Variants in NCAPD3 observed in about 807,000 individuals in gnomAD.
NCAPD3 encodes condensin-2 complex subunit D3.
Under a neutral mutation model 182.9 loss-of-function variants are expected in NCAPD3, and 105 were observed. The observed-to-expected ratio is 0.57, with a 90% CI of 0.49 to 0.68. The LOEUF is 0.68. NCAPD3 is among the 30% of genes least tolerant of loss of function. The pLI, the probability that NCAPD3 is intolerant of heterozygous loss-of-function variation, is 0.00. For missense variants in NCAPD3, 1,944 were observed against 1,837.0 expected, an observed-to-expected ratio of 1.06 and a Z score of -1.07; for synonymous variants, 815 against 679.9, an observed-to-expected ratio of 1.20 and a Z score of -3.09.
Position 134,178,764 on chromosome 11 carries a change from T to C in NCAPD3, c.2675-23A>G, listed in dbSNP as rs758435071. 24 of 1,608,090 alleles carry C rather than the reference T, an allele frequency of 1.5e-5. No individual in the cohort carries two copies. In the East Asian group the frequency reaches 4.9e-4, roughly 33 times the overall value. ...GTGCTGCAAAGAAGGGAGAGAAAGTTACCGACAGAACCTTGAAACGGCATG... is the reference window on the plus strand; with the variant it reads ...GTGCTGCAAAGAAGGGAGAGAAAGTCACCGACAGAACCTTGAAACGGCATG... On this transcript the variant is annotated intron_variant, in intron 21 of 34. Coordinates refer to ENST00000534548, the MANE Select transcript of NCAPD3 (RefSeq NM_015261.3).
intron 31 of NCAPD3, among the ~76,000 whole-genome samples, chr11:134,157,427 C>G (rs545067035): frequency 1.3e-5 from 2 of 152,206 alleles, no homozygotes; most frequent in African/African-American, 4.8e-5. Flanking sequence ...GCTATATGTA[C>G]AAGGATGTTT....
intron 8 of NCAPD3, among the ~76,000 whole-genome samples, chr11:134,206,015 A>T (rs1447361558): frequency 6.6e-6 from 1 of 152,174 alleles, no homozygotes; most frequent in East Asian, 1.9e-4. Context: ...GGGAAGGAAA[A>T]GCCAACAACG....
chr11:134,165,876 A>T (rs1246447303), intron 27 of NCAPD3, among the ~76,000 whole-genome samples: 123 of 76,840 alleles, frequency 1.6e-3, no homozygotes, highest in South Asian at 2.1e-3. Context: ...CACACTCACT[A>T]GTGAGATGAG....
intron 16 of NCAPD3, among the ~76,000 whole-genome samples, chr11:134,186,689 C>T (rs187576097): frequency 7.8e-4 from 119 of 152,270 alleles, no homozygotes; most frequent in African/African-American, 2.5e-3. Context: ...CATACCCACA[C>T]GCGAACATCA....
chr11:134,156,338 G>A (rs1286392004), intron 32 of NCAPD3, among the ~76,000 whole-genome samples: 1 of 152,154 alleles, frequency 6.6e-6, no homozygotes, highest in Non-Finnish European at 1.5e-5. Context: ...GGGCACACAG[G>A]GACACGGCGG....
At chr11:134,198,985 G>A (rs1944692477) in intron 13 of NCAPD3, among the ~76,000 whole-genome samples, 1 of 151,946 alleles carries the variant, frequency 6.6e-6, no homozygotes, top group Non-Finnish European at 1.5e-5. Flanking sequence ...TGGATTAGAG[G>A]AATTAACAAA....
intron 6 of NCAPD3, 93 bp downstream of exon 6, chr11:134,209,052 G>T: frequency 6.9e-7 from 1 of 1,455,564 alleles, no homozygotes; most frequent in East Asian, 2.3e-5. Context: ...CTACCTGTGT[G>T]CCAATTGGGA....
rs1406920005 is a variant in NCAPD3, at chr11:134,157,939, G to GT, written c.4162dup (p.Thr1388AsnfsTer19). 5.0e-6 allele frequency: 8 copies of GT among 1,613,794 alleles called. No individual in the cohort carries two copies. The highest frequency in any genetic ancestry group is 1.1e-5 in the South Asian group (1 of 91,068). On this transcript the variant is annotated frameshift_variant, in exon 31 of 35. Coordinates refer to ENST00000534548, the MANE Select transcript of NCAPD3 (RefSeq NM_015261.3). LOFTEE classifies it high-confidence loss of function. ...AACATAAGGCTTACCCTGACTGCAC[G>GT]TTTTTTCTGGGCTTCCAGAATTTAA...
chr11:134,166,918 CGT>C (rs1943835349), intron 27 of NCAPD3, among the ~76,000 whole-genome samples: 1 of 126,038 alleles, frequency 7.9e-6, no homozygotes, highest in South Asian at 2.8e-4. Flanking sequence ...GGCGCACACT[CGT>C]GAGATGAGCT....
chr11:134,174,591 G>A (rs573554350), intron 24 of NCAPD3, among the ~76,000 whole-genome samples: 1 of 151,972 alleles, frequency 6.6e-6, no homozygotes, highest in East Asian at 1.9e-4. Context: ...TGTGGTTATC[G>A]GAGGCTGGGA....
At chr11:134,191,950 C>T (rs1483770198) in intron 16 of NCAPD3, among the ~76,000 whole-genome samples, 1 of 152,198 alleles carries the variant, frequency 6.6e-6, no homozygotes, top group African/African-American at 2.4e-5. Context: ...CCGTCTCATG[C>T]GGTCAGGTGT....
chr11:134,195,243 G>A (rs1478487290), intron 13 of NCAPD3, among the ~76,000 whole-genome samples: 1 of 149,814 alleles, frequency 6.7e-6, no homozygotes, highest in Non-Finnish European at 1.5e-5. Context: ...TAGGAATACA[G>A]GCATGAGCCA....
intron 16 of NCAPD3, among the ~76,000 whole-genome samples, chr11:134,186,927 A>G (rs1944419336): frequency 6.6e-6 from 1 of 152,242 alleles, no homozygotes; most frequent in African/African-American, 2.4e-5. Flanking sequence ...ACCACAAGAT[A>G]TAAGCAATGA....
rs781258004 is a variant in NCAPD3, at chr11:134,168,937, G to A, written c.3219C>T (p.Asn1073=). 6.2e-7 allele frequency: 1 copy of A among 1,613,656 alleles called. No homozygotes were observed. The highest frequency in any genetic ancestry group is 1.7e-5 in the Admixed American group (1 of 60,000). Residue 1073 remains asparagine (N), a synonymous_variant, in exon 25 of 35, where the codon AAC becomes AAT. Coordinates refer to ENST00000534548, the MANE Select transcript of NCAPD3 (RefSeq NM_015261.3). ...CTGACCTCTCTGACTGGGGGAACTT[G>A]TTGTACTTCTCATGCTTCTCATAGT... ...FNNYEKHEKY[N]KFPQSEREKR...
intron 8 of NCAPD3, 122 bp from the exon 9 acceptor site, chr11:134,205,093 GT>G (rs1944823416): frequency 1.5e-6 from 1 of 665,514 alleles, no homozygotes; most frequent in African/African-American, 1.8e-5. Context: ...TATAAGAGTG[GT>G]TTCAGTAGAA....
At chr11:134,154,517 C>G (rs1358770105) in intron 32 of NCAPD3, among the ~76,000 whole-genome samples, 2 of 138,720 alleles carry the variant, frequency 1.4e-5, no homozygotes, top group Admixed American at 1.4e-4. Context: ...ACATGCCACC[C>G]TGTCTTGGAG....
At chr11:134,188,921 G>A (rs1179601697) in intron 16 of NCAPD3, among the ~76,000 whole-genome samples, 1 of 152,120 alleles carries the variant, frequency 6.6e-6, no homozygotes, top group East Asian at 1.9e-4. Context: ...AAGGAGAGAA[G>A]CCTCAGGAGA....
intron 27 of NCAPD3, among the ~76,000 whole-genome samples, chr11:134,166,916 C>T (rs1432044604): frequency 7.4e-6 from 1 of 134,304 alleles, no homozygotes; most frequent in Non-Finnish European, 1.6e-5. Flanking sequence ...GAGGCGCACA[C>T]TCGTGAGATG....
rs147572656 is a variant in NCAPD3, at chr11:134,156,682, GCACCCGGA to G, written c.4252+328_4252+335del. Among the ~76,000 whole-genome samples the G allele has an allele frequency of 7.2e-3, 1,096 of 152,278 alleles. 9 individuals are homozygous for G. The highest frequency in any genetic ancestry group is 0.025 in the African/African-American group (1,032 of 41,560). ...GCAGGCCCACCCAGCAGCGCCCAGT[GCACCCGGA>G]CAGCCCAGAGACACGGAGGGCCGCC... On this transcript the variant is annotated intron_variant, in intron 32 of 34. Coordinates refer to ENST00000534548, the MANE Select transcript of NCAPD3 (RefSeq NM_015261.3).
Sources: allele counts gnomAD v4.1 joint callset (sites outside exome capture counted in the v4.1 genomes callset), GRCh38; gene constraint gnomAD v4.1.1; transcripts MANE v1.5; gene names NCBI Gene and HGNC (gene_info 2026-07-23, HGNC 2026-07-21).